Variants in SYMPK observed in about 807,000 individuals in gnomAD.
SYMPK encodes symplekin scaffold protein.
Under a neutral mutation model 136.4 loss-of-function variants are expected in SYMPK, and 49 were observed. The observed-to-expected ratio is 0.36, with a 90% confidence interval of 0.29 to 0.46. SYMPK has a LOEUF of 0.46. SYMPK is among the 20% of genes least tolerant of loss of function. The probability of loss-of-function intolerance (pLI) is 1.00; values close to 1 mark genes in which losing one functional copy is unlikely to be tolerated. For synonymous variants in SYMPK, 766 were observed against 713.0 expected (o/e 1.07, Z -1.19); for missense variants, 1,365 against 1,690.0 (o/e 0.81, Z 3.37).
In SYMPK at chr19:45,827,872, C is replaced by A. The variant is rs1287615548; in HGVS notation, c.2032G>T (p.Ala678Ser). 1.9e-6 allele frequency: 3 copies of A among 1,614,094 alleles called. No individual in the cohort carries two copies. The highest frequency in any genetic ancestry group is 1.7e-5 in the Admixed American group (1 of 60,026). Residue 678 changes from alanine to serine, a missense_variant, in exon 15 of 27, where the codon GCC becomes TCC. Around this residue, in one of 11 missense-constraint regions of SYMPK, gnomAD observed 303 missense variants for 326.6 expected, o/e 0.93. Coordinates refer to ENST00000245934, the MANE Select transcript of SYMPK (RefSeq NM_004819.3). ...VLEAPLITES[A>S]LEVVRKYCED... is the part of the protein sequence containing the mutation. ...CAGTACTTGCGGACCACCTCCAGGG[C>A]ACTCTCTGTGATGAGTGGCGCCTCC...
At chr19:45,828,303 A>G (rs1971093655) in intron 14 of SYMPK, 1 of 242,574 alleles carries the variant, frequency 4.1e-6, no homozygotes, top group Admixed American at 5.2e-5. Context: ...ACCCACACAT[A>G]GAGTTGAGGG....
chr19:45,840,312 CAA>C (rs546768442), intron 9 of SYMPK, among the ~76,000 whole-genome samples: 7,184 of 55,136 alleles, frequency 0.13, 71 homozygotes, highest in Non-Finnish European at 0.19. Context: ...GAGACTGTCT[CAA>C]AAAAAAAAAA....
intron 7 of SYMPK, among the ~76,000 whole-genome samples, chr19:45,846,063 T>C (rs890580615): frequency 3.9e-5 from 6 of 152,150 alleles, no homozygotes; most frequent in South Asian, 4.2e-4. Flanking sequence ...AGTGAAACCC[T>C]GTCTCTACTA....
chr19:45,831,723 G>C, intron 11 of SYMPK, 135 bp from the exon 12 acceptor site: 1 of 567,224 alleles, frequency 1.8e-6, no homozygotes, highest in Non-Finnish European at 2.8e-6. Context: ...ACACTGTCCT[G>C]GAGTGGGTAC....
At chr19:45,859,398 G>C (rs1170356639) in intron 1 of SYMPK, among the ~76,000 whole-genome samples, 2 of 150,470 alleles carry the variant, frequency 1.3e-5, no homozygotes, top group Non-Finnish European at 3.0e-5. Context: ...AGGAGTTCAA[G>C]ACCAGCCTGG....
intron 11 of SYMPK, 70 bp from the exon 12 acceptor site, chr19:45,831,658 G>T (rs1971178421): frequency 1.5e-6 from 2 of 1,359,292 alleles, no homozygotes; most frequent in Non-Finnish European, 1.0e-6. Flanking sequence ...GACCTCCTGT[G>T]TGCCTGGCTC....
intron 5 of SYMPK, 107 bp downstream of exon 5, chr19:45,852,205 C>G: frequency 8.8e-7 from 1 of 1,141,126 alleles, no homozygotes; most frequent in Non-Finnish European, 1.3e-6. Flanking sequence ...GAGAAAGGGT[C>G]TGGGAAGCAG....
In SYMPK at chr19:45,847,979, A is replaced by G. The variant is rs779633536; in HGVS notation, c.449T>C (p.Ile150Thr). The G allele has an allele frequency of 6.3e-7, 1 of 1,598,546 alleles. No individual in the cohort carries two copies. Among genetic ancestry groups the G allele is most frequent in the Non-Finnish European group, 8.6e-7 (1 of 1,168,920 alleles). Residue 150 changes from isoleucine (I) to threonine (T), a missense_variant, in exon 7 of 27, where the codon ATT becomes ACT. Transcript: ENST00000245934. The part of the protein sequence containing the change: ...ALQWMVKSRV[I>T]SELQEACWDM... The stretch of plus-strand genomic sequence containing the variant: ...CCAGCAGGCCTCCTGTAGCTCGCTA[A>G]TGACCCGTGACTTTACCATCCACTG...
chr19:45,851,122 A>G (rs1463792064), intron 5 of SYMPK, among the ~76,000 whole-genome samples: 1 of 152,178 alleles, frequency 6.6e-6, no homozygotes, highest in Non-Finnish European at 1.5e-5. Context: ...GTCTGAGAGC[A>G]GGGGTGTGCC....
chr19:45,844,092 T>C lies in SYMPK; in HGVS notation c.785A>G (p.Asn262Ser), dbSNP rs199889309. 2.3e-5 allele frequency: 37 copies of C among 1,611,774 alleles called. No individual in the cohort carries two copies. The highest frequency in any genetic ancestry group is 1.7e-4 in the Middle Eastern group (1 of 6,060). The change falls in exon 8 of 27, where the codon AAT becomes AGT. Residue 262 changes from asparagine (N) to serine (S), a missense_variant. Around this residue, in one of 11 missense-constraint regions of SYMPK, gnomAD observed 237 missense variants for 292.9 expected, o/e 0.81. Coordinates refer to ENST00000245934, the MANE Select transcript of SYMPK (RefSeq NM_004819.3). ...NLTTALGSLA[N>S]IARQRPMFMS... ...GAACATGGGTCTCTGGCGGGCGATA[T>C]TGGCAAGGGAGCCCAGCGCTGTGGT...
At chr19:45,816,320 ACCC>A in intron 25 of SYMPK, 137 bp from the exon 26 acceptor site, 1 of 1,169,420 alleles carries the variant, frequency 8.6e-7, no homozygotes, top group Non-Finnish European at 1.2e-6. Context: ...TGTCCCCCAG[ACCC>A]CCAACTCCCA....
chr19:45,828,300 CAT>C lies in SYMPK; in HGVS notation c.1986-384_1986-383del, dbSNP rs987705731. On this transcript the variant is annotated intron_variant, in intron 14 of 26. Coordinates refer to ENST00000245934, the MANE Select transcript of SYMPK (RefSeq NM_004819.3). ...GGTGGATGAGAAGGAGCCACCCACA[CAT>C]AGAGTTGAGGGAAGAGCATTCCAGG... 15 of 243,514 alleles carry C rather than the reference CAT, an allele frequency of 6.2e-5. No homozygotes were observed. The East Asian group carries it at 1.3e-3, about 21-fold the overall frequency. 15.1% of individuals were successfully genotyped at this position (243,514 alleles called of 1,614,324 possible). A position where few individuals can be genotyped will look rare whatever the true frequency, so the allele number is the denominator to read the frequency against.
intron 20 of SYMPK, 71 bp from the exon 21 acceptor site, chr19:45,822,917 C>T (rs1970941216): frequency 1.5e-6 from 2 of 1,304,942 alleles, no homozygotes; most frequent in Non-Finnish European, 2.2e-6. Flanking sequence ...GACAAGCCAC[C>T]CCTTCTGCTC....
At chr19:45,817,128 G>C (rs1970762752) in intron 23 of SYMPK, 154 bp from the exon 24 acceptor site, 1 of 728,418 alleles carries the variant, frequency 1.4e-6, no homozygotes, top group Admixed American at 3.7e-5. Context: ...TCCCTCCAGA[G>C]GCCTTTGTCT....
chr19:45,845,426 G>C (rs1971537711), intron 7 of SYMPK, among the ~76,000 whole-genome samples: 1 of 151,946 alleles, frequency 6.6e-6, no homozygotes, highest in Non-Finnish European at 1.5e-5. Flanking sequence ...TTCATTTCTA[G>C]CTCTCACAAA....
At chr19:45,859,226 C>T (rs921736339) in intron 1 of SYMPK, among the ~76,000 whole-genome samples, 1 of 151,658 alleles carries the variant, frequency 6.6e-6, no homozygotes, top group Non-Finnish European at 1.5e-5. Context: ...TGCCCTTTCA[C>T]TCTTGAATCC....
At chr19:45,848,703 C>T (rs375551580) in intron 6 of SYMPK, 47 bp downstream of exon 6, 143 of 1,609,840 alleles carry the variant, frequency 8.9e-5, no homozygotes, top group Non-Finnish European at 1.1e-4. Context: ...AGTTTGTCAA[C>T]GAGACATATC....
chr19:45,852,304 C>T lies in SYMPK; in HGVS notation c.299+8G>A. The T allele has an allele frequency of 6.2e-7, 1 of 1,614,242 alleles. No individual in the cohort carries two copies. Among genetic ancestry groups the T allele is most frequent in the Non-Finnish European group, 8.5e-7 (1 of 1,180,036 alleles). On this transcript the variant is annotated splice_region_variant and intron_variant, in intron 5 of 26. Coordinates refer to ENST00000245934, the MANE Select transcript of SYMPK (RefSeq NM_004819.3). ...AATGCTCCCGGGGCTCCGTGCCTCG[C>T]CCCATACCATGCCTCCTCGATGAAG...
At chr19:45,816,687 G>A (rs1310833790) in intron 24 of SYMPK, 110 bp from the exon 25 acceptor site, 4 of 1,519,038 alleles carry the variant, frequency 2.6e-6, no homozygotes, top group Non-Finnish European at 2.6e-6. Flanking sequence ...GCAGTGCAGG[G>A]CCTTCTTGTG....
Sources: allele counts gnomAD v4.1 joint callset (sites outside exome capture counted in the v4.1 genomes callset), GRCh38; gene constraint gnomAD v4.1.1; regional missense constraint gnomAD v4.1.1; transcripts MANE v1.5; gene names NCBI Gene and HGNC (gene_info 2026-07-23, HGNC 2026-07-21).